The following NRG1 variants were observed in gnomAD, a reference collection of about 807,000 sequenced individuals.
NRG1 encodes neuregulin 1, also known as pro-neuregulin-1, membrane-bound isoform.
A neutral mutation model predicts 63.8 loss-of-function variants in NRG1; 18 were observed. The observed-to-expected ratio is 0.28, with a 90% CI of 0.19 to 0.42. NRG1 has a LOEUF of 0.42. Ranked by LOEUF, NRG1 falls within the 10% of genes least tolerant of loss-of-function variation. NRG1 has a pLI of 1.00. For missense variants in NRG1, 762 were observed against 814.7 expected, an observed-to-expected ratio of 0.94 and a Z score of 0.79; for synonymous variants, 302 against 301.3, an observed-to-expected ratio of 1.00 and a Z score of -0.02.
chr8:32,639,067 G>T (rs1054298038), intron 5 of NRG1, among the ~76,000 whole-genome samples: 3 of 152,046 alleles, frequency 2.0e-5, no homozygotes, highest in Non-Finnish European at 4.4e-5. Context: ...TAAGGAAAAC[G>T]TATATTGTAA....
chr8:32,376,855 C>CA (rs1031952696), intron 1 of NRG1, among the ~76,000 whole-genome samples: 2 of 151,906 alleles, frequency 1.3e-5, no homozygotes, highest in African/African-American at 4.8e-5. Context: ...CCACTTAAAA[C>CA]AAAAAAAGTC....
At chr8:32,405,152 G>C (rs1001466127) in intron 1 of NRG1, among the ~76,000 whole-genome samples, 1 of 152,156 alleles carries the variant, frequency 6.6e-6, no homozygotes, top group Admixed American at 6.5e-5. Context: ...CCTTAAGCTA[G>C]GTGCAAACCC....
At chr8:32,356,474 A>ACCCCCCCCCCCCCCCCCCCCCCC (rs11426642) in intron 1 of NRG1, among the ~76,000 whole-genome samples, 3 of 69,326 alleles carry the variant, frequency 4.3e-5, no homozygotes, top group Non-Finnish European at 8.6e-5. Flanking sequence ...CCTTGTTGGG[A>ACCCCCCCCCCCCCCCCCCCCCCC]CCCCCCCCCC....
chr8:32,512,917 G>T (rs1407745756), intron 1 of NRG1, among the ~76,000 whole-genome samples: 1 of 152,114 alleles, frequency 6.6e-6, no homozygotes, highest in Non-Finnish European at 1.5e-5. Flanking sequence ...AAATAGCATT[G>T]CAGTAGCTAT....
At chr8:32,310,248 G>GC (rs1440100017) in intron 1 of NRG1, among the ~76,000 whole-genome samples, 4 of 152,180 alleles carry the variant, frequency 2.6e-5, no homozygotes, top group African/African-American at 9.7e-5. Context: ...TGAATGGAAT[G>GC]CATAGAAAAA....
chr8:31,981,875 C>G (rs1426096304), intron 1 of NRG1, among the ~76,000 whole-genome samples: 2 of 151,748 alleles, frequency 1.3e-5, no homozygotes, highest in Non-Finnish European at 2.9e-5. Context: ...AGGGATATTA[C>G]CCAGTTAGTA....
At chr8:32,059,613 C>T (rs1490143644) in intron 1 of NRG1, among the ~76,000 whole-genome samples, 2 of 151,940 alleles carry the variant, frequency 1.3e-5, no homozygotes, top group Non-Finnish European at 2.9e-5. Flanking sequence ...GAAAGCTCTG[C>T]TCCATTGTTG....
chr8:31,862,107 G>A (rs1337307531), intron 1 of NRG1, among the ~76,000 whole-genome samples: 2 of 152,090 alleles, frequency 1.3e-5, no homozygotes, highest in Non-Finnish European at 2.9e-5. Context: ...AGGAAACCCT[G>A]GGAAATGTTT....
chr8:32,476,740 A>G (rs1468250017), intron 1 of NRG1, among the ~76,000 whole-genome samples: 1 of 152,162 alleles, frequency 6.6e-6, no homozygotes, highest in Non-Finnish European at 1.5e-5. Flanking sequence ...AAATATTGAC[A>G]GTTACTTTGC....
rs2128081 is a variant in NRG1 at position 32,228,486 on chromosome 8, G to T, written c.38-367342G>T. On this transcript the variant is annotated intron_variant, in intron 1 of 10. Transcript: ENST00000519301. Reference sequence around the variant, plus strand: ...ATCTGGTTAGTTTCAGTATAAAAAAGATGATACCCACTTGTGATATGATTC... The same window carrying T: ...ATCTGGTTAGTTTCAGTATAAAAAATATGATACCCACTTGTGATATGATTC... 6.8e-3 allele frequency among the ~76,000 whole-genome samples: 1,032 copies of T among 152,160 alleles called. 11 individuals carry two copies. Among genetic ancestry groups the T allele is most frequent in the African/African-American group, 0.024 (990 of 41,514 alleles).
intron 1 of NRG1, among the ~76,000 whole-genome samples, chr8:31,674,926 G>A (rs1194930540): frequency 2.6e-5 from 4 of 152,154 alleles, no homozygotes; most frequent in Non-Finnish European, 5.9e-5. Flanking sequence ...TCCATTTTCA[G>A]GCCCTTGGAT....
intron 1 of NRG1, among the ~76,000 whole-genome samples, chr8:31,961,574 A>G (rs546560303): frequency 2.0e-5 from 3 of 152,322 alleles, no homozygotes; most frequent in African/African-American, 7.2e-5. Context: ...ACAAAGATGT[A>G]GGGTTGTATC....
At chr8:32,441,794 C>G (rs1050202797) in intron 1 of NRG1, among the ~76,000 whole-genome samples, 2 of 151,978 alleles carry the variant, frequency 1.3e-5, no homozygotes, top group Non-Finnish European at 2.9e-5. Context: ...CAGTAGGTGC[C>G]AAGGCCGAAC....
intron 1 of NRG1, among the ~76,000 whole-genome samples, chr8:32,100,884 T>C (rs1472295336): frequency 5.3e-5 from 8 of 152,190 alleles, no homozygotes; most frequent in African/African-American, 1.9e-4. Flanking sequence ...GAAATAATAA[T>C]GCGCCATGGT....
intron 1 of NRG1, among the ~76,000 whole-genome samples, chr8:32,398,053 A>G (rs1812671022): frequency 6.6e-6 from 1 of 152,198 alleles, no homozygotes; most frequent in Non-Finnish European, 1.5e-5. Flanking sequence ...TCTAATATAC[A>G]CAAACACCTG....
At chr8:31,737,264 C>T (rs923820611) in intron 1 of NRG1, among the ~76,000 whole-genome samples, 8 of 152,046 alleles carry the variant, frequency 5.3e-5, no homozygotes, top group Non-Finnish European at 1.0e-4. Context: ...ACCACTTCTC[C>T]TAGGATTTTT....
chr8:32,667,516 T>C lies in NRG1; in HGVS notation c.502+50631T>C, dbSNP rs139824234. 1.5e-3 allele frequency among the ~76,000 whole-genome samples: 226 copies of C among 152,320 alleles called. 1 individual carries two copies. Among genetic ancestry groups the C allele is most frequent in the African/African-American group, 5.2e-3 (217 of 41,576 alleles). On this transcript the variant is annotated intron_variant, in intron 5 of 11. Transcript: ENST00000356819. ...TTTTTAGTGAATTTAGTCAAATTTC[T>C]GAAAACCAAGAATTCCTATGGAAAC...
At chr8:32,760,762 G>A in intron 11 of NRG1, 1 of 1,034,614 alleles carries the variant, frequency 9.7e-7, no homozygotes, top group African/African-American at 1.7e-5. Context: ...GCTTGATAAG[G>A]ACCCTTCTAT....
intron 1 of NRG1, among the ~76,000 whole-genome samples, chr8:32,303,443 C>T (rs890512932): frequency 2.0e-5 from 3 of 152,026 alleles, no homozygotes; most frequent in Admixed American, 6.6e-5. Context: ...CTTGGAAGCA[C>T]GACTTTTTAT....
Sources: gnomAD v4.1 joint callset for allele counts (sites outside exome capture counted in the v4.1 genomes callset) on GRCh38, gnomAD v4.1.1 for gene constraint, MANE v1.5 for transcripts, NCBI Gene and HGNC (gene_info 2026-07-23, HGNC 2026-07-21) for gene names.